The following POTEC variants were observed in gnomAD, a reference collection of about 807,000 sequenced individuals.
POTEC encodes ANKRD26-like family B member 2.
In POTEC, 35 loss-of-function variants were observed where a neutral mutation model predicts 62.0. The ratio of observed to expected loss-of-function variants is 0.56; its 90% CI spans 0.43 to 0.75. The LOEUF is 0.75. Ranked by LOEUF, POTEC falls within the 30% of genes least tolerant of loss-of-function variation. POTEC has a pLI of 0.00. For missense variants in POTEC, 472 were observed against 655.9 expected, an observed-to-expected ratio of 0.72 and a Z score of 3.06; for synonymous variants, 156 against 221.5, an observed-to-expected ratio of 0.70 and a Z score of 2.62.
chr18:14,527,276 C>T (rs895234458), intron 6 of POTEC, among the ~76,000 whole-genome samples: 3 of 152,058 alleles, frequency 2.0e-5, no homozygotes, highest in Non-Finnish European at 4.4e-5. Context: ...TTATATGTTG[C>T]TTTGTTTAAA....
intron 3 of POTEC, among the ~76,000 whole-genome samples, chr18:14,537,201 AC>A (rs1567915433): frequency 7.0e-4 from 64 of 91,416 alleles, no homozygotes; most frequent in African/African-American, 8.7e-4. Flanking sequence ...ACACACACAC[AC>A]ACACACACAA....
At chr18:14,526,917 T>C (rs1166157747) in intron 6 of POTEC, among the ~76,000 whole-genome samples, 1 of 152,168 alleles carries the variant, frequency 6.6e-6, no homozygotes, top group African/African-American at 2.4e-5. Flanking sequence ...AGCTAGCTCA[T>C]GTGGACACAG....
chr18:14,519,934 G>T (rs886310494), intron 9 of POTEC, among the ~76,000 whole-genome samples: 23 of 152,016 alleles, frequency 1.5e-4, no homozygotes, highest in African/African-American at 4.8e-4. Flanking sequence ...AAATATTGCT[G>T]ACAGATTAAA....
At chr18:14,531,765 T>C (rs1400827286) in intron 5 of POTEC, 1 of 151,806 alleles carries the variant, frequency 6.6e-6, no homozygotes, top group East Asian at 2.0e-4. Flanking sequence ...TTAGGATATG[T>C]GCCGCCAAAG....
At chr18:14,531,067 A>AT (rs1334939250) in intron 5 of POTEC, among the ~76,000 whole-genome samples, 1 of 152,074 alleles carries the variant, frequency 6.6e-6, no homozygotes, top group African/African-American at 2.4e-5. Context: ...CCCCATGTGT[A>AT]TTTTGTTCAT....
At chr18:14,528,365 C>T (rs1412314258) in intron 6 of POTEC, among the ~76,000 whole-genome samples, 1 of 151,992 alleles carries the variant, frequency 6.6e-6, no homozygotes, top group Non-Finnish European at 1.5e-5. Flanking sequence ...CCCAATCCCC[C>T]TCCTCAGCCT....
At chr18:14,537,056 A>ATC (rs1411218676) in intron 3 of POTEC, among the ~76,000 whole-genome samples, 1 of 151,324 alleles carries the variant, frequency 6.6e-6, no homozygotes. Flanking sequence ...CCTAAAATTT[A>ATC]TCTCTAGGCA....
chr18:14,539,352 T>C (rs1482686762), intron 1 of POTEC, among the ~76,000 whole-genome samples: 181 of 148,508 alleles, frequency 1.2e-3, no homozygotes, highest in African/African-American at 2.8e-3. Flanking sequence ...AGGGGGTTGG[T>C]TGTACAGATT....
At chr18:14,518,187 C>G (rs1043390253) in intron 9 of POTEC, among the ~76,000 whole-genome samples, 2 of 152,100 alleles carry the variant, frequency 1.3e-5, no homozygotes, top group African/African-American at 4.8e-5. Flanking sequence ...ATATGCTAGG[C>G]CTTTTTCTAG....
intron 6 of POTEC, among the ~76,000 whole-genome samples, chr18:14,529,574 T>C (rs1476495162): frequency 6.6e-6 from 1 of 152,220 alleles, no homozygotes; most frequent in Non-Finnish European, 1.5e-5. Context: ...CCAGGTGGCA[T>C]ACTAGTATTT....
chr18:14,519,438 C>T (rs1467906778), intron 9 of POTEC, among the ~76,000 whole-genome samples: 5 of 152,040 alleles, frequency 3.3e-5, no homozygotes, highest in South Asian at 2.1e-4. Context: ...CATGAGGGGC[C>T]GGGTGCAGTG....
intron 9 of POTEC, among the ~76,000 whole-genome samples, chr18:14,515,074 T>G (rs1387959329): frequency 6.6e-6 from 1 of 152,130 alleles, no homozygotes; most frequent in Non-Finnish European, 1.5e-5. Flanking sequence ...TAAATGAACA[T>G]ACATTCTATG....
At chr18:14,526,133 T>C (rs1320238312) in intron 6 of POTEC, among the ~76,000 whole-genome samples, 1 of 151,932 alleles carries the variant, frequency 6.6e-6, no homozygotes, top group Non-Finnish European at 1.5e-5. Context: ...CTTTTGACCT[T>C]GTGATCCACC....
intron 5 of POTEC, among the ~76,000 whole-genome samples, chr18:14,532,224 T>A (rs1183198914): frequency 1.3e-5 from 2 of 152,158 alleles, no homozygotes; most frequent in East Asian, 1.9e-4. Flanking sequence ...CCTGAAAGGA[T>A]CTCTTACCAT....
At chr18:14,534,367 G>C (rs1905635247) in intron 4 of POTEC, among the ~76,000 whole-genome samples, 2 of 152,090 alleles carry the variant, frequency 1.3e-5, no homozygotes, top group South Asian at 4.1e-4. Flanking sequence ...AAGAAAAAAA[G>C]CTGTTGAACC....
chr18:14,535,359 C>G (rs1905678801), intron 3 of POTEC, among the ~76,000 whole-genome samples: 1 of 150,844 alleles, frequency 6.6e-6, no homozygotes, highest in East Asian at 2.0e-4. Context: ...TATTATCCAA[C>G]CCTAAGACAA....
At chr18:14,518,229 C>A (rs1910216212) in intron 9 of POTEC, among the ~76,000 whole-genome samples, 1 of 151,918 alleles carries the variant, frequency 6.6e-6, no homozygotes, top group Admixed American at 6.6e-5. Context: ...AAAATAAAAA[C>A]CCTATTCATG....
chr18:14,536,894 C>T (rs1160418738), intron 3 of POTEC, among the ~76,000 whole-genome samples: 2 of 152,040 alleles, frequency 1.3e-5, no homozygotes, highest in East Asian at 3.9e-4. Context: ...CCCATCAAGA[C>T]ATTCTAGAAT....
At chr18:14,516,438 G>C (rs1309331631) in intron 9 of POTEC, among the ~76,000 whole-genome samples, 104 of 118,192 alleles carry the variant, frequency 8.8e-4, no homozygotes, top group Admixed American at 2.8e-3. Context: ...CATGGCAGAA[G>C]GTAAAGGGGA....
Sources: gnomAD v4.1 joint callset for allele counts (sites outside exome capture counted in the v4.1 genomes callset) on GRCh38, gnomAD v4.1.1 for gene constraint, MANE v1.5 for transcripts, NCBI Gene and HGNC (gene_info 2026-07-23, HGNC 2026-07-21) for gene names.